The following CNTLN variants were observed in gnomAD, a reference collection of about 807,000 sequenced individuals.
The protein encoded by CNTLN is centlein, centrosomal protein.
A neutral mutation model predicts 180.0 loss-of-function variants in CNTLN; 212 were observed. That is an observed-to-expected ratio of 1.18 (90% CI 1.05 to 1.32). The LOEUF (loss-of-function observed/expected upper bound fraction) is 1.32. CNTLN is among the 40% of genes most tolerant of loss of function. The pLI is 0.00. For missense variants in CNTLN, 2,095 were observed against 1,610.9 expected (o/e 1.30, Z -5.14); for synonymous variants, 722 against 563.1 (o/e 1.28, Z -3.99).
intron 5 of CNTLN, among the ~76,000 whole-genome samples, chr9:17,253,689 A>T (rs1237273121): frequency 6.6e-6 from 1 of 150,828 alleles, no homozygotes; most frequent in African/African-American, 2.4e-5. Context: ...AAAGAAAAAG[A>T]TGTAAGATCA....
At chr9:17,517,953 C>G in the CNTLN span, among the ~76,000 whole-genome samples, 2 of 151,678 alleles carry the variant, frequency 1.3e-5, no homozygotes, top group South Asian at 2.1e-4. Flanking sequence ...TTAACCACCC[C>G]CCAAGGAGCC....
At chr9:17,452,726 A>G (rs546567100) in intron 18 of CNTLN, among the ~76,000 whole-genome samples, 1 of 152,314 alleles carries the variant, frequency 6.6e-6, no homozygotes, top group East Asian at 1.9e-4. Flanking sequence ...TTCTGAATCT[A>G]GGTACTGCAT....
At chr9:17,384,484 TG>T (rs1327079980) in intron 13 of CNTLN, among the ~76,000 whole-genome samples, 1 of 152,138 alleles carries the variant, frequency 6.6e-6, no homozygotes, top group Non-Finnish European at 1.5e-5. Flanking sequence ...GGGGATGGTC[TG>T]GGTCTCCAGA....
chr9:17,348,506 A>G (rs926495468), intron 12 of CNTLN, among the ~76,000 whole-genome samples: 1 of 147,092 alleles, frequency 6.8e-6, no homozygotes, highest in Non-Finnish European at 1.5e-5. Flanking sequence ...CAGGCTTCTC[A>G]CTCTGCTTTC....
chr9:17,395,013 G>A lies in CNTLN; in HGVS notation c.2559G>A (p.Met853Ile), dbSNP rs201062003. The stretch of plus-strand genomic sequence containing the variant: ...TTCTCAATCATTCCATCAAGGTTAT[G>A]AGCAATGTGTTTGAGAACCTCAGCA... Reference protein sequence around the residue: ...HTVLNHSIKVMSNVFENLSKD... With the variant: ...HTVLNHSIKVISNVFENLSKD... Residue 853 changes from methionine (M) to isoleucine (I), a missense_variant, in exon 15 of 26, where the codon ATG becomes ATA. By Grantham distance (10) the Met-to-Ile change is conservative (BLOSUM62 1). Transcript: ENST00000380647. The A allele has an allele frequency of 2.5e-6, 4 of 1,613,448 alleles. No homozygotes were observed. The highest frequency in any genetic ancestry group is 2.2e-5 in the East Asian group (1 of 44,858).
chr9:17,381,352 A>C (rs1410773227), intron 13 of CNTLN, among the ~76,000 whole-genome samples: 1 of 152,232 alleles, frequency 6.6e-6, no homozygotes, highest in East Asian at 1.9e-4. Context: ...TCTTTCTTAG[A>C]GTAGCTAGTC....
chr9:17,452,787 T>C (rs1830860838), intron 18 of CNTLN, among the ~76,000 whole-genome samples: 1 of 152,034 alleles, frequency 6.6e-6, no homozygotes, highest in African/African-American at 2.4e-5. Context: ...AAAAGCAGTT[T>C]GTGAATGAAA....
intron 13 of CNTLN, among the ~76,000 whole-genome samples, chr9:17,386,613 G>A (rs916360864): frequency 2.1e-4 from 32 of 152,202 alleles, no homozygotes; most frequent in African/African-American, 7.2e-4. Flanking sequence ...TGAGCGTTCT[G>A]TATAAACCGG....
chr9:17,208,278 A>T (rs898342653), intron 2 of CNTLN, among the ~76,000 whole-genome samples: 1 of 152,046 alleles, frequency 6.6e-6, no homozygotes, highest in Non-Finnish European at 1.5e-5. Flanking sequence ...TCATTGACTG[A>T]TTTGCATATG....
intron 12 of CNTLN, among the ~76,000 whole-genome samples, chr9:17,345,405 C>G (rs552584930): frequency 4.6e-5 from 7 of 151,972 alleles, no homozygotes; most frequent in Non-Finnish European, 7.4e-5. Context: ...CTAAGTCTGC[C>G]ATGTTATTAT....
In CNTLN at chr9:17,298,476, A is replaced by G. The variant is rs964866066; in HGVS notation, c.1146+124A>G. On this transcript the variant is annotated intron_variant, in intron 7 of 25. Transcript: ENST00000380647. ...ACTTCCTTTTACATGTGTTTCCTCA[A>G]AATTTAGAAGTGAAGGATGGTTCAA... 37 of 1,339,778 alleles carry G rather than the reference A, an allele frequency of 2.8e-5. No individual in the cohort carries two copies. The African/African-American group carries it at 5.4e-4, about 20-fold the overall frequency. 83.0% of individuals were successfully genotyped at this position (1,339,778 alleles called of 1,614,324 possible).
intron 2 of CNTLN, among the ~76,000 whole-genome samples, chr9:17,180,397 G>C (rs1821051099): frequency 6.7e-6 from 1 of 148,342 alleles, no homozygotes; most frequent in Admixed American, 6.7e-5. Context: ...ACTTAGCACA[G>C]TGTACTGGTA....
rs537717172 is a variant in CNTLN at position 17,422,468 on chromosome 9, T to A, written c.3114+6279T>A. On this transcript the variant is annotated intron_variant, in intron 18 of 25. Transcript: ENST00000380647. The stretch of plus-strand genomic sequence containing the variant: ...CATCTTTAAGCTCACTAGTCTTTCT[T>A]CTCCTTGATCAAGTCTGCTGTTGAG... Among the ~76,000 whole-genome samples, 4 of 152,316 alleles carry A rather than the reference T, an allele frequency of 2.6e-5. No individual in the cohort carries two copies. The East Asian group carries it at 7.7e-4, about 29-fold the overall frequency.
chr9:17,159,024 G>T (rs1819493879), intron 2 of CNTLN, among the ~76,000 whole-genome samples: 1 of 152,026 alleles, frequency 6.6e-6, no homozygotes, highest in Non-Finnish European at 1.5e-5. Flanking sequence ...TTCGTAAGTT[G>T]TTATATTTTG....
chr9:17,432,444 TGATA>T (rs1262616811), intron 18 of CNTLN, among the ~76,000 whole-genome samples: 4 of 152,086 alleles, frequency 2.6e-5, no homozygotes, highest in East Asian at 3.9e-4. Context: ...AATGACTAGA[TGATA>T]GATAGAATAA....
At chr9:17,418,074 C>T (rs1006693182) in intron 18 of CNTLN, among the ~76,000 whole-genome samples, 1 of 151,842 alleles carries the variant, frequency 6.6e-6, no homozygotes, top group African/African-American at 2.4e-5. Context: ...ACTTTTGCTA[C>T]TATGTTATAG....
intron 2 of CNTLN, among the ~76,000 whole-genome samples, chr9:17,159,177 A>C (rs556432884): frequency 4.0e-4 from 61 of 152,190 alleles, no homozygotes; most frequent in Middle Eastern, 3.4e-3. Flanking sequence ...ATTGCATTAA[A>C]ATTTTTTGAC....
At chr9:17,270,790 T>C (rs1412944164) in intron 5 of CNTLN, among the ~76,000 whole-genome samples, 2 of 152,104 alleles carry the variant, frequency 1.3e-5, no homozygotes, top group Non-Finnish European at 2.9e-5. Flanking sequence ...AAATTATCCT[T>C]TTGAAATTTT....
At chr9:17,274,511 T>TTGTA (rs1828183117) in intron 6 of CNTLN, among the ~76,000 whole-genome samples, 1 of 138,762 alleles carries the variant, frequency 7.2e-6, no homozygotes, top group African/African-American at 2.7e-5. Context: ...CTATGTATCT[T>TTGTA]TCTATCTATC....
Sources: gnomAD v4.1 joint callset for allele counts (sites outside exome capture counted in the v4.1 genomes callset) on GRCh38, gnomAD v4.1.1 for gene constraint, MANE v1.5 for transcripts, NCBI Gene and HGNC (gene_info 2026-07-23, HGNC 2026-07-21) for gene names.